The following SEMA5A variants were observed in gnomAD, a reference collection of about 807,000 sequenced individuals.
SEMA5A encodes the protein semaphorin 5A, also known as semaphorin-5A.
Under a neutral mutation model 135.5 loss-of-function variants are expected in SEMA5A, and 55 were observed. That is an observed-to-expected ratio of 0.41 (90% CI 0.33 to 0.51). SEMA5A has a LOEUF of 0.51. Ranked by LOEUF, SEMA5A falls within the 20% of genes least tolerant of loss-of-function variation. SEMA5A has a pLI of 0.37. For missense variants in SEMA5A, 1,290 were observed against 1,419.9 expected (o/e 0.91, Z 1.47); for synonymous variants, 580 against 546.5 (o/e 1.06, Z -0.85).
chr5:9,226,171 A>G (rs148173640), intron 7 of SEMA5A, among the ~76,000 whole-genome samples: 5 of 152,318 alleles, frequency 3.3e-5, no homozygotes, highest in African/African-American at 1.2e-4. Flanking sequence ...GAACAGTAAA[A>G]GCAGATGGTC....
At chr5:9,405,154 T>C (rs1429776635) in intron 2 of SEMA5A, among the ~76,000 whole-genome samples, 1 of 152,180 alleles carries the variant, frequency 6.6e-6, no homozygotes, top group Non-Finnish European at 1.5e-5. Flanking sequence ...AGAAACAAAA[T>C]AGGTTGTTGA....
chr5:9,332,934 C>T (rs1003675452), intron 4 of SEMA5A, among the ~76,000 whole-genome samples: 1 of 152,188 alleles, frequency 6.6e-6, no homozygotes, highest in African/African-American at 2.4e-5. Flanking sequence ...ATGTTTAGGC[C>T]ATGTGGACTC....
chr5:9,489,693 T>C (rs1378843508), intron 1 of SEMA5A, among the ~76,000 whole-genome samples: 2 of 152,204 alleles, frequency 1.3e-5, no homozygotes, highest in Non-Finnish European at 2.9e-5. Context: ...AAAAAGGGCT[T>C]GGAGGCTACG....
At chr5:9,504,585 A>G (rs1234479318) in intron 1 of SEMA5A, among the ~76,000 whole-genome samples, 1 of 152,236 alleles carries the variant, frequency 6.6e-6, no homozygotes, top group Non-Finnish European at 1.5e-5. Context: ...GTGAGGCGCA[A>G]GGGGAATGCT....
rs374164601 is a variant in SEMA5A at position 9,124,032 on chromosome 5, G to A, written c.1600-1195C>T. Reference sequence around the variant, plus strand: ...AGGGCTGGCAAGGATGAAGGCAGAGGAATGAGGCTGCCAAATGCAAAGGGC... The same window carrying A: ...AGGGCTGGCAAGGATGAAGGCAGAGAAATGAGGCTGCCAAATGCAAAGGGC... On this transcript the variant is annotated intron_variant, in intron 13 of 22. Coordinates refer to ENST00000382496, the MANE Select transcript of SEMA5A (RefSeq NM_003966.3). 4.6e-5 allele frequency among the ~76,000 whole-genome samples: 7 copies of A among 152,268 alleles called. No individual in the cohort carries two copies. In the East Asian group the frequency reaches 1.2e-3, roughly 25 times the overall value.
At chr5:9,315,120 T>A (rs1019517628) in intron 5 of SEMA5A, among the ~76,000 whole-genome samples, 1 of 152,176 alleles carries the variant, frequency 6.6e-6, no homozygotes, top group African/African-American at 2.4e-5. Context: ...CTTTTTTGCA[T>A]CTATTTATTT....
intron 1 of SEMA5A, among the ~76,000 whole-genome samples, chr5:9,542,617 C>A (rs1383758487): frequency 6.6e-6 from 1 of 152,112 alleles, no homozygotes; most frequent in Non-Finnish European, 1.5e-5. Flanking sequence ...ATACCCCAAG[C>A]AATTTGTCTG....
chr5:9,396,246 G>GCACACACACACACACACACACA (rs147262677), intron 2 of SEMA5A, among the ~76,000 whole-genome samples: 67 of 148,952 alleles, frequency 4.5e-4, no homozygotes, highest in Non-Finnish European at 5.3e-4. Flanking sequence ...GCGCGTGCGT[G>GCACACACACACACACACACACA]CACACACACA....
At position 9,036,436 on chromosome 5, in the gene SEMA5A, C is replaced by A. The variant is rs1025901986; in HGVS notation, c.*6461G>T. The A allele has an allele frequency of 6.6e-6, 1 of 152,116 alleles. No homozygotes were observed. Among genetic ancestry groups the A allele is most frequent in the Non-Finnish European group, 1.5e-5 (1 of 68,010 alleles). 9.4% of individuals were successfully genotyped at this position (152,116 alleles called of 1,614,324 possible). ...TCACTGTATCTATACCAGTTGTCAC[C>A]AGCCTGTGTCTGATTTTCCTCTATC... On this transcript the variant is annotated 3_prime_UTR_variant, in exon 23 of 23. Coordinates refer to ENST00000382496, the MANE Select transcript of SEMA5A (RefSeq NM_003966.3).
chr5:9,228,657 A>G (rs558760588), intron 6 of SEMA5A, among the ~76,000 whole-genome samples: 1 of 152,378 alleles, frequency 6.6e-6, no homozygotes, highest in Admixed American at 6.5e-5. Context: ...AGTCACTTCC[A>G]TAACTCAGGC....
intron 11 of SEMA5A, among the ~76,000 whole-genome samples, chr5:9,177,885 C>A (rs545259410): frequency 6.6e-6 from 1 of 152,196 alleles, no homozygotes; most frequent in Non-Finnish European, 1.5e-5. Flanking sequence ...GATTAGCTTT[C>A]GAAGACTTAA....
intron 11 of SEMA5A, among the ~76,000 whole-genome samples, chr5:9,184,402 T>G (rs182399327): frequency 3.7e-4 from 56 of 152,306 alleles, no homozygotes; most frequent in African/African-American, 1.3e-3. Flanking sequence ...CTTCCTTTAT[T>G]GCAGGGTAAT....
In SEMA5A at chr5:9,235,550, G is replaced by A. The variant is rs115629099; in HGVS notation, c.333+2278C>T. Reference sequence around the variant, plus strand: ...AGTGGAACATCTTTAAACGCTCACCGTGGGCTGGGAGTGTTAAGATCGGAC... The same window carrying A: ...AGTGGAACATCTTTAAACGCTCACCATGGGCTGGGAGTGTTAAGATCGGAC... On this transcript the variant is annotated intron_variant, in intron 6 of 22. Transcript: ENST00000382496. Among the ~76,000 whole-genome samples the A allele has an allele frequency of 9.5e-3, 1,423 of 150,328 alleles. 9 individuals carry two copies. Among genetic ancestry groups the A allele is most frequent in the Non-Finnish European group, 0.015 (1,036 of 67,900 alleles).
At chr5:9,455,063 C>G (rs1023340528) in intron 1 of SEMA5A, among the ~76,000 whole-genome samples, 1 of 151,984 alleles carries the variant, frequency 6.6e-6, no homozygotes, top group Non-Finnish European at 1.5e-5. Context: ...TTATGAGTGA[C>G]AAATCAAACT....
chr5:9,107,948 T>C (rs1364736175), intron 16 of SEMA5A, among the ~76,000 whole-genome samples, 192 bp downstream of exon 16: 1 of 152,192 alleles, frequency 6.6e-6, no homozygotes, highest in African/African-American at 2.4e-5. Context: ...GCAGAGCTTC[T>C]AGAATGTACA....
intron 8 of SEMA5A, among the ~76,000 whole-genome samples, chr5:9,215,640 C>T (rs186074814): frequency 3.0e-4 from 46 of 152,206 alleles, no homozygotes; most frequent in African/African-American, 1.1e-3. Context: ...ATGGCCATGC[C>T]GGCACCTTGA....
intron 21 of SEMA5A, among the ~76,000 whole-genome samples, chr5:9,047,554 T>G (rs190274170): frequency 6.6e-6 from 1 of 152,202 alleles, no homozygotes; most frequent in African/African-American, 2.4e-5. Flanking sequence ...TTTCTGCTGT[T>G]GATTTTGATC....
Position 9,108,251 on chromosome 5 carries a change from C to A in SEMA5A, c.1962G>T (p.Met654Ile), listed in dbSNP as rs751808284. Residue 654 changes from methionine to isoleucine, a missense_variant, in exon 16 of 23, where the codon ATG (methionine) becomes ATT (isoleucine). Around this residue, in one of 3 missense-constraint regions of SEMA5A, gnomAD observed 1,029 missense variants for 1,086.6 expected, o/e 0.95. Coordinates refer to ENST00000382496, the MANE Select transcript of SEMA5A (RefSeq NM_003966.3). ...CNEHLLCPPH[M>I]FWTGWGPWER... is the part of the protein sequence containing the mutation. ...CCCAAGGACCCCAGCCTGTCCAGAA[C>A]ATGTGTGGGGGACATAGCAAATGTT... 5 of 1,614,064 alleles carry A rather than the reference C, an allele frequency of 3.1e-6. No homozygotes were observed. In the African/African-American group the frequency reaches 6.7e-5, roughly 22 times the overall value.
intron 11 of SEMA5A, among the ~76,000 whole-genome samples, chr5:9,166,545 G>C (rs1743618736): frequency 6.6e-6 from 1 of 152,172 alleles, no homozygotes; most frequent in African/African-American, 2.4e-5. Flanking sequence ...TCCTATTCAA[G>C]TTTTGTCTAA....
Sources: gnomAD v4.1 joint callset for allele counts (sites outside exome capture counted in the v4.1 genomes callset) on GRCh38, gnomAD v4.1.1 for gene constraint, gnomAD v4.1.1 regional missense constraint, MANE v1.5 for transcripts, NCBI Gene and HGNC (gene_info 2026-07-23, HGNC 2026-07-21) for gene names.